Variants in CPNE4 observed in about 807,000 individuals in gnomAD.
CPNE4 encodes copine 4.
A neutral mutation model predicts 67.9 loss-of-function variants in CPNE4; 25 were observed. The ratio of observed to expected loss-of-function variants is 0.37; its 90% CI spans 0.27 to 0.51. The LOEUF is 0.51. Among genes scored for constraint, CPNE4 ranks in the 20% least tolerant of loss-of-function variants. The pLI, the probability that CPNE4 is intolerant of heterozygous loss-of-function variation, is 0.93. For synonymous variants in CPNE4, 242 were observed against 244.9 expected, an observed-to-expected ratio of 0.99 and a Z score of 0.11; for missense variants, 464 against 690.8, an observed-to-expected ratio of 0.67 and a Z score of 3.68.
intron 1 of CPNE4, among the ~76,000 whole-genome samples, chr3:131,948,247 C>G (rs144690514): frequency 6.6e-6 from 1 of 152,232 alleles, no homozygotes; most frequent in Admixed American, 6.5e-5. Context: ...AATTGGATCA[C>G]GGGGGCAGTT....
chr3:131,564,974 G>C (rs1936980236), intron 10 of CPNE4, among the ~76,000 whole-genome samples: 1 of 151,996 alleles, frequency 6.6e-6, no homozygotes, highest in Non-Finnish European at 1.5e-5. Context: ...CATTGTGAGT[G>C]GGAAGTGGAG....
At chr3:131,653,232 G>A (rs930109807) in intron 7 of CPNE4, among the ~76,000 whole-genome samples, 3 of 139,646 alleles carry the variant, frequency 2.1e-5, no homozygotes, top group South Asian at 4.6e-4. Flanking sequence ...TGCAAGCTCC[G>A]CCTCCCGGTT....
intron 7 of CPNE4, among the ~76,000 whole-genome samples, chr3:131,610,033 C>T (rs1381943019): frequency 6.6e-6 from 1 of 152,068 alleles, no homozygotes; most frequent in African/African-American, 2.4e-5. Context: ...TACCAAGATT[C>T]GTTTTTGTTT....
chr3:131,587,723 A>G (rs3748809), intron 7 of CPNE4, 141 bp from the exon 8 acceptor site: 11,659 of 633,022 alleles, frequency 0.018, 285 homozygotes, highest in East Asian at 0.067. Flanking sequence ...ATTGGAGCAT[A>G]TGGGATGTAA....
At chr3:131,711,517 G>A (rs1199129702) in intron 3 of CPNE4, among the ~76,000 whole-genome samples, 2 of 152,170 alleles carry the variant, frequency 1.3e-5, no homozygotes, top group Non-Finnish European at 2.9e-5. Flanking sequence ...AGTGAGGGAA[G>A]CACGAGTAAT....
chr3:131,976,316 T>C (rs2072652131), intron 1 of CPNE4, among the ~76,000 whole-genome samples: 1 of 152,086 alleles, frequency 6.6e-6, no homozygotes, highest in Non-Finnish European at 1.5e-5. Flanking sequence ...AAAATAAGTT[T>C]GCTTCATATA....
chr3:131,622,975 G>T (rs1007468187), intron 7 of CPNE4, among the ~76,000 whole-genome samples: 1 of 152,192 alleles, frequency 6.6e-6, no homozygotes. Flanking sequence ...GCATCAATAG[G>T]TGTCTAGAAG....
At chr3:131,688,436 A>C (rs936163093) in intron 5 of CPNE4, among the ~76,000 whole-genome samples, 3 of 152,078 alleles carry the variant, frequency 2.0e-5, no homozygotes, top group Admixed American at 2.0e-4. Flanking sequence ...ACCTCTATGC[A>C]TTTACTCATT....
chr3:131,574,011 C>A (rs919975644), intron 10 of CPNE4, among the ~76,000 whole-genome samples: 11 of 152,018 alleles, frequency 7.2e-5, no homozygotes, highest in African/African-American at 2.4e-4. Flanking sequence ...AGTAAATGAC[C>A]ATTTATCTCA....
intron 15 of CPNE4, among the ~76,000 whole-genome samples, 196 bp downstream of exon 15, chr3:131,542,361 C>T (rs1197988277): frequency 6.6e-6 from 1 of 151,980 alleles, no homozygotes; most frequent in Non-Finnish European, 1.5e-5. Flanking sequence ...CTCTATATAT[C>T]CTTGTTGTGG....
chr3:131,564,098 G>A, intron 11 of CPNE4, 118 bp downstream of exon 11: 1 of 1,205,516 alleles, frequency 8.3e-7, no homozygotes. Flanking sequence ...TGAAACTTTT[G>A]AAGTCACTAC....
intron 2 of CPNE4, among the ~76,000 whole-genome samples, chr3:131,818,139 T>A (rs944059959): frequency 6.6e-6 from 1 of 152,190 alleles, no homozygotes. Flanking sequence ...TTACTGTCAG[T>A]GTCAAGAAAT....
At chr3:132,015,087 CA>C (rs1385441491) in intron 1 of CPNE4, among the ~76,000 whole-genome samples, 1 of 152,086 alleles carries the variant, frequency 6.6e-6, no homozygotes, top group Non-Finnish European at 1.5e-5. Flanking sequence ...TAATAGGTTA[CA>C]AAGATTCTCT....
chr3:131,977,025 C>A (rs1427034100), intron 1 of CPNE4, among the ~76,000 whole-genome samples: 3 of 152,136 alleles, frequency 2.0e-5, no homozygotes, highest in Non-Finnish European at 4.4e-5. Context: ...TGGTCTCGAA[C>A]TCCTGACCTC....
At chr3:132,005,328 T>C (rs1237641964) in intron 1 of CPNE4, among the ~76,000 whole-genome samples, 4 of 21,876 alleles carry the variant, frequency 1.8e-4, no homozygotes, top group Non-Finnish European at 5.5e-4. Flanking sequence ...TATATATATA[T>C]ATATATATAT....
At chr3:131,660,745 C>G (rs1383979940) in intron 7 of CPNE4, among the ~76,000 whole-genome samples, 1 of 152,124 alleles carries the variant, frequency 6.6e-6, no homozygotes, top group Non-Finnish European at 1.5e-5. Context: ...AAGAGTGTCT[C>G]CCTGTGGAAG....
intron 2 of CPNE4, among the ~76,000 whole-genome samples, chr3:131,805,473 A>G (rs191005660): frequency 2.0e-5 from 3 of 152,348 alleles, no homozygotes; most frequent in African/African-American, 7.2e-5. Context: ...GGTATTAAAC[A>G]AATTCGATCC....
intron 2 of CPNE4, among the ~76,000 whole-genome samples, chr3:131,755,822 C>G (rs1338075394): frequency 6.6e-6 from 1 of 152,160 alleles, no homozygotes; most frequent in Non-Finnish European, 1.5e-5. Context: ...CATTTTTATT[C>G]TGGAAACTCT....
rs188665917 is a variant in CPNE4 at position 131,987,490 on chromosome 3, G to C, written c.-2+47077C>G. 5.8e-3 allele frequency among the ~76,000 whole-genome samples: 883 copies of C among 151,454 alleles called. 5 individuals are homozygous for C. The highest frequency in any genetic ancestry group is 9.2e-3 in the Admixed American group (140 of 15,190). On this transcript the variant is annotated intron_variant, in intron 1 of 15. Transcript: ENST00000429747. ...TAACCTCCGTCTCCCAGGTTCAAGC[G>C]ATTCTCCTGCCTCAGCCTCCTGAGT...
Sources: allele counts gnomAD v4.1 joint callset (sites outside exome capture counted in the v4.1 genomes callset), GRCh38; gene constraint gnomAD v4.1.1; transcripts MANE v1.5; gene names NCBI Gene and HGNC (gene_info 2026-07-23, HGNC 2026-07-21).